The following MACROD2 variants were observed in gnomAD, a reference collection of about 807,000 sequenced individuals.
MACROD2 encodes mono-ADP ribosylhydrolase 2.
A neutral mutation model predicts 70.4 loss-of-function variants in MACROD2; 36 were observed. The ratio of observed to expected loss-of-function variants is 0.51; its 90% CI spans 0.39 to 0.68. The LOEUF (loss-of-function observed/expected upper bound fraction) is 0.68. Among genes scored for constraint, MACROD2 ranks in the 30% least tolerant of loss-of-function variants. The pLI is 0.00. For missense variants in MACROD2, 496 were observed against 538.4 expected (o/e 0.92, Z 0.78); for synonymous variants, 172 against 178.8 (o/e 0.96, Z 0.30).
Position 14,858,289 on chromosome 20 carries a change from G to A in MACROD2, c.418+173330G>A, listed in dbSNP as rs140166521. Among the ~76,000 whole-genome samples the A allele has an allele frequency of 5.1e-3, 779 of 152,218 alleles. 10 individuals carry two copies. Among genetic ancestry groups the A allele is most frequent in the African/African-American group, 0.018 (751 of 41,522 alleles). On this transcript the variant is annotated intron_variant, in intron 5 of 17. Coordinates refer to ENST00000684519, the MANE Select transcript of MACROD2 (RefSeq NM_001351661.2). ...AAAATGTGGTTAACCCGATGCAGGAGTCTGAGTGGAACTCTGAACAGGATG... is the reference window on the plus strand; with the variant it reads ...AAAATGTGGTTAACCCGATGCAGGAATCTGAGTGGAACTCTGAACAGGATG...
intron 5 of MACROD2, among the ~76,000 whole-genome samples, chr20:14,927,238 G>A (rs571022626): frequency 6.6e-6 from 1 of 152,270 alleles, no homozygotes; most frequent in East Asian, 1.9e-4. Flanking sequence ...GCCAGAAGGT[G>A]AAAGTTCAAG....
At chr20:15,627,887 A>G (rs1199188631) in intron 8 of MACROD2, among the ~76,000 whole-genome samples, 1 of 152,208 alleles carries the variant, frequency 6.6e-6, no homozygotes, top group Non-Finnish European at 1.5e-5. Context: ...AAGACCAGGA[A>G]TGATTAAGGG....
intron 3 of MACROD2, among the ~76,000 whole-genome samples, chr20:14,177,659 A>T (rs1331454300): frequency 2.0e-5 from 3 of 152,184 alleles, no homozygotes; most frequent in Non-Finnish European, 4.4e-5. Context: ...TCATGCTTGT[A>T]TCGACCAATG....
intron 5 of MACROD2, among the ~76,000 whole-genome samples, chr20:15,157,469 G>A (rs78956604): frequency 0.01 from 1,578 of 151,148 alleles, 28 homozygotes; most frequent in African/African-American, 0.037. Context: ...CCATAAAAAT[G>A]GTTATGTGAA....
chr20:15,622,830 AT>A (rs2049148274), intron 8 of MACROD2, among the ~76,000 whole-genome samples: 1 of 152,184 alleles, frequency 6.6e-6, no homozygotes, highest in African/African-American at 2.4e-5. Flanking sequence ...CTATTTTATT[AT>A]TAATTGTTGT....
rs548873495 is a variant in MACROD2, at chr20:15,259,993, T to A, written c.540+29932T>A. ...ATGTTATCTCTCCTGAAATTTTTTT[T>A]ATTTAAATTATGGATGCATAATAGT... On this transcript the variant is annotated intron_variant, in intron 6 of 17. Coordinates refer to ENST00000684519, the MANE Select transcript of MACROD2 (RefSeq NM_001351661.2). 2.6e-3 allele frequency among the ~76,000 whole-genome samples: 396 copies of A among 151,980 alleles called. 1 individual carries two copies. Among genetic ancestry groups the A allele is most frequent in the African/African-American group, 8.7e-3 (361 of 41,536 alleles).
At chr20:15,443,618 C>T (rs1279570293) in intron 7 of MACROD2, among the ~76,000 whole-genome samples, 1 of 152,132 alleles carries the variant, frequency 6.6e-6, no homozygotes, top group Non-Finnish European at 1.5e-5. Flanking sequence ...TGCACTTTCC[C>T]TTTACTTGAG....
At chr20:14,137,953 C>A (rs1271387630) in intron 3 of MACROD2, among the ~76,000 whole-genome samples, 2 of 152,054 alleles carry the variant, frequency 1.3e-5, no homozygotes, top group African/African-American at 4.8e-5. Context: ...GGGCAAAGGA[C>A]CTGAATAGAA....
At chr20:15,362,625 T>C (rs1362669912) in intron 6 of MACROD2, among the ~76,000 whole-genome samples, 1 of 152,162 alleles carries the variant, frequency 6.6e-6, no homozygotes, top group African/African-American at 2.4e-5. Flanking sequence ...ACATTTTAAA[T>C]AGTTATTCAA....
chr20:14,203,838 G>A (rs547745429), intron 3 of MACROD2, among the ~76,000 whole-genome samples: 1 of 152,224 alleles, frequency 6.6e-6, no homozygotes, highest in Non-Finnish European at 1.5e-5. Context: ...GGCAGGTCCA[G>A]GTGGGCCAGT....
At chr20:14,127,637 A>T in intron 3 of MACROD2, 1 of 429,230 alleles carries the variant, frequency 2.3e-6, no homozygotes, top group Non-Finnish European at 4.4e-6. Context: ...AGAAATTCAA[A>T]ACAGAATGAA....
In MACROD2 at chr20:15,553,980, ACT is replaced by A. The variant is rs138122066; in HGVS notation, c.645+54136_645+54137del. ...TTCAGTTTAGCAGTTTCACATGGCCACTCTGCAGACACTAGGAAGAATGGATC... is the reference window on the plus strand; with the variant it reads ...TTCAGTTTAGCAGTTTCACATGGCCACTGCAGACACTAGGAAGAATGGATC... On this transcript the variant is annotated intron_variant, in intron 8 of 17. Transcript: ENST00000684519. Among the ~76,000 whole-genome samples, 410 of 152,260 alleles carry A rather than the reference ACT, an allele frequency of 2.7e-3. 9 individuals carry two copies. In the East Asian group the frequency reaches 0.052, roughly 19 times the overall value.
At chr20:15,421,282 G>A (rs1157754922) in intron 6 of MACROD2, among the ~76,000 whole-genome samples, 2 of 152,032 alleles carry the variant, frequency 1.3e-5, no homozygotes, top group Non-Finnish European at 2.9e-5. Flanking sequence ...GGAGGCTGAG[G>A]TGAGAGGATC....
At chr20:14,321,452 CA>C (rs1287404264) in intron 3 of MACROD2, among the ~76,000 whole-genome samples, 10 of 151,888 alleles carry the variant, frequency 6.6e-5, no homozygotes, top group Non-Finnish European at 1.5e-4. Context: ...GATTGATAAG[CA>C]GGAGTTATTT....
chr20:14,007,342 T>A (rs999363809), intron 2 of MACROD2, among the ~76,000 whole-genome samples: 1 of 152,140 alleles, frequency 6.6e-6, no homozygotes, highest in African/African-American at 2.4e-5. Flanking sequence ...TTTTTTAAAA[T>A]TTTTGACTAT....
At chr20:14,704,772 G>A (rs2071248429) in intron 5 of MACROD2, among the ~76,000 whole-genome samples, 1 of 152,096 alleles carries the variant, frequency 6.6e-6, no homozygotes, top group Non-Finnish European at 1.5e-5. Context: ...TTTGTCATTG[G>A]AACCAAGTAA....
chr20:14,142,669 C>G (rs1038554639), intron 3 of MACROD2, among the ~76,000 whole-genome samples: 4 of 152,176 alleles, frequency 2.6e-5, no homozygotes, highest in African/African-American at 9.7e-5. Flanking sequence ...AAACTTGCCA[C>G]TGCCTTTAGT....
chr20:14,730,186 G>C (rs550414538), intron 5 of MACROD2, among the ~76,000 whole-genome samples: 1 of 152,256 alleles, frequency 6.6e-6, no homozygotes, highest in South Asian at 2.1e-4. Context: ...CCAGAGGAAA[G>C]CATAGAGAAA....
intron 6 of MACROD2, among the ~76,000 whole-genome samples, chr20:15,279,105 G>A (rs1322996725): frequency 1.3e-5 from 2 of 152,222 alleles, no homozygotes; most frequent in Non-Finnish European, 2.9e-5. Context: ...CAGGTAGTTA[G>A]TGGAAACTTG....
Sources: gnomAD v4.1 joint callset for allele counts (sites outside exome capture counted in the v4.1 genomes callset) on GRCh38, gnomAD v4.1.1 for gene constraint, MANE v1.5 for transcripts, NCBI Gene and HGNC (gene_info 2026-07-23, HGNC 2026-07-21) for gene names.